Variants in CHRM3 observed in about 807,000 individuals in gnomAD.
CHRM3 encodes cholinergic receptor muscarinic 3, also known as muscarinic acetylcholine receptor M3.
A neutral mutation model predicts 41.8 loss-of-function variants in CHRM3; 11 were observed. The ratio of observed to expected loss-of-function variants is 0.26; its 90% CI spans 0.17 to 0.44. The LOEUF is 0.44. Ranked by LOEUF, CHRM3 falls within the 20% of genes least tolerant of loss-of-function variation. The pLI is 1.00. For synonymous variants in CHRM3, 297 were observed against 301.4 expected (o/e 0.99, Z 0.15); for missense variants, 571 against 745.4 (o/e 0.77, Z 2.72).
intron 6 of CHRM3, among the ~76,000 whole-genome samples, chr1:239,874,305 A>ATATCTATATACACAGTATATATATC (rs1676908937): frequency 8.4e-6 from 1 of 119,330 alleles, no homozygotes. Flanking sequence ...ATATATATAT[A>ATATCTATATACACAGTATATATATC]TATATATATA....
chr1:239,837,930 G>A (rs1165080204), intron 6 of CHRM3, among the ~76,000 whole-genome samples: 2 of 152,132 alleles, frequency 1.3e-5, no homozygotes, highest in Non-Finnish European at 2.9e-5. Flanking sequence ...AGTTTACATT[G>A]TAGTTAGGAA....
At chr1:239,742,972 T>C (rs1036052947) in intron 5 of CHRM3, among the ~76,000 whole-genome samples, 1 of 152,194 alleles carries the variant, frequency 6.6e-6, no homozygotes, top group Non-Finnish European at 1.5e-5. Flanking sequence ...ACCAGGTTTA[T>C]AATTTATTGT....
At chr1:239,765,645 G>A (rs899772139) in intron 5 of CHRM3, among the ~76,000 whole-genome samples, 2 of 151,836 alleles carry the variant, frequency 1.3e-5, no homozygotes, top group African/African-American at 4.8e-5. Flanking sequence ...TAGGGAAAGA[G>A]CCCAACTTCT....
intron 3 of CHRM3, among the ~76,000 whole-genome samples, chr1:239,551,144 CTTTTTTTTTTT>C (rs1157407521): frequency 5.0e-5 from 3 of 60,350 alleles, no homozygotes; most frequent in Non-Finnish European, 9.0e-5. Context: ...TGTTACCATT[CTTTTTTTTTTT>C]TTTTTTTTTT....
At chr1:239,391,813 A>G (rs1156406738) in intron 1 of CHRM3, among the ~76,000 whole-genome samples, 1 of 152,158 alleles carries the variant, frequency 6.6e-6, no homozygotes, top group East Asian at 1.9e-4. Context: ...ACAAAAACCA[A>G]TTTGATAAAC....
chr1:239,560,022 T>A (rs1660713857), intron 3 of CHRM3, among the ~76,000 whole-genome samples: 1 of 152,188 alleles, frequency 6.6e-6, no homozygotes, highest in Admixed American at 6.5e-5. Flanking sequence ...TTATTCATAA[T>A]AAAATATACA....
intron 2 of CHRM3, among the ~76,000 whole-genome samples, chr1:239,518,219 T>C (rs1669402056): frequency 6.6e-6 from 1 of 152,040 alleles, no homozygotes; most frequent in South Asian, 2.1e-4. Context: ...TTTTGTAGAC[T>C]ATCTGTAAGA....
At chr1:239,600,942 A>G (rs1183776423) in intron 3 of CHRM3, among the ~76,000 whole-genome samples, 1 of 152,092 alleles carries the variant, frequency 6.6e-6, no homozygotes, top group East Asian at 1.9e-4. Flanking sequence ...TTTTCTCCAT[A>G]TAGTGCAACA....
At chr1:239,863,465 G>A (rs1675811045) in intron 6 of CHRM3, among the ~76,000 whole-genome samples, 1 of 152,068 alleles carries the variant, frequency 6.6e-6, no homozygotes, top group Admixed American at 6.6e-5. Context: ...TTTGCCATAT[G>A]AGCTGCCTTA....
intron 2 of CHRM3, among the ~76,000 whole-genome samples, chr1:239,526,889 G>A (rs997379588): frequency 1.3e-5 from 2 of 152,050 alleles, no homozygotes; most frequent in African/African-American, 2.4e-5. Context: ...GGGACTACTA[G>A]GTAGGAGGAT....
At chr1:239,419,290 A>G (rs1176747529) in intron 1 of CHRM3, among the ~76,000 whole-genome samples, 1 of 151,812 alleles carries the variant, frequency 6.6e-6, no homozygotes, top group East Asian at 1.9e-4. Context: ...TTAGATGTCC[A>G]GCTATCAAGA....
In CHRM3 at chr1:239,889,582, G is replaced by A. The variant is rs141199382; in HGVS notation, c.-19-17851G>A. 5.9e-5 allele frequency among the ~76,000 whole-genome samples: 9 copies of A among 152,214 alleles called. No individual in the cohort carries two copies. The East Asian group carries it at 1.7e-3, about 29-fold the overall frequency. ...AAAATGATTTCTTGGGCCGCTTTTTGTTGAAAGGGAAGCTCTGCCAAGGAC... is the reference window on the plus strand; with the variant it reads ...AAAATGATTTCTTGGGCCGCTTTTTATTGAAAGGGAAGCTCTGCCAAGGAC... On this transcript the variant is annotated intron_variant, in intron 6 of 6. Coordinates refer to ENST00000676153, the MANE Select transcript of CHRM3 (RefSeq NM_001375978.1).
chr1:239,611,012 C>T (rs1666960578), intron 3 of CHRM3, among the ~76,000 whole-genome samples: 1 of 152,070 alleles, frequency 6.6e-6, no homozygotes, highest in East Asian at 1.9e-4. Flanking sequence ...GATCGCGCCA[C>T]TGCACTCCAG....
intron 5 of CHRM3, among the ~76,000 whole-genome samples, chr1:239,694,016 A>G (rs1401941088): frequency 6.6e-6 from 1 of 152,200 alleles, no homozygotes; most frequent in African/African-American, 2.4e-5. Context: ...TAATTCATCT[A>G]TTAGATACTG....
chr1:239,762,161 C>G (rs1280751289), intron 5 of CHRM3, among the ~76,000 whole-genome samples: 1 of 152,092 alleles, frequency 6.6e-6, no homozygotes, highest in Non-Finnish European at 1.5e-5. Context: ...CTATCATGAC[C>G]AGAGCAGAAA....
At chr1:239,557,989 G>A (rs1208716863) in intron 3 of CHRM3, among the ~76,000 whole-genome samples, 2 of 152,030 alleles carry the variant, frequency 1.3e-5, no homozygotes, top group Admixed American at 1.3e-4. Context: ...TATTGCTTTG[G>A]GTTATATACC....
chr1:239,601,846 T>C (rs1225317031), intron 3 of CHRM3, among the ~76,000 whole-genome samples: 2 of 152,052 alleles, frequency 1.3e-5, no homozygotes. Flanking sequence ...CCTTTGTTCC[T>C]AGTGGTGCAA....
chr1:239,508,773 A>G (rs981237015), intron 2 of CHRM3, among the ~76,000 whole-genome samples: 1 of 152,224 alleles, frequency 6.6e-6, no homozygotes, highest in Non-Finnish European at 1.5e-5. Context: ...TCCTAGATCT[A>G]TCTCTGACTA....
chr1:239,594,558 G>A (rs2148656361), intron 3 of CHRM3, among the ~76,000 whole-genome samples: 1 of 152,296 alleles, frequency 6.6e-6, no homozygotes, highest in Admixed American at 6.5e-5. Context: ...TCTGCTGTAA[G>A]ACTGTCTTCA....
Sources: gnomAD v4.1 joint callset for allele counts (sites outside exome capture counted in the v4.1 genomes callset) on GRCh38, gnomAD v4.1.1 for gene constraint, MANE v1.5 for transcripts, NCBI Gene and HGNC (gene_info 2026-07-23, HGNC 2026-07-21) for gene names.